Variants in NMBR observed in about 807,000 individuals in gnomAD.
NMBR encodes neuromedin B receptor.
NMBR carries 16 observed loss-of-function variants against 20.5 expected under a neutral mutation model. The observed-to-expected ratio is 0.78, with a 90% CI of 0.53 to 1.19. The LOEUF (loss-of-function observed/expected upper bound fraction) is 1.19, where lower values mean the gene tolerates loss of function less well. NMBR is among the 50% of genes most tolerant of loss of function. The probability of loss-of-function intolerance (pLI) is 0.00; values close to 1 mark genes in which losing one functional copy is unlikely to be tolerated. For synonymous variants in NMBR, 212 were observed against 196.6 expected (o/e 1.08, Z -0.65); for missense variants, 582 against 499.1 (o/e 1.17, Z -1.58).
chr6:142,078,220 TG>T (rs1331918308), intron 3 of NMBR, among the ~76,000 whole-genome samples: 1 of 152,220 alleles, frequency 6.6e-6, no homozygotes, highest in Non-Finnish European at 1.5e-5. Flanking sequence ...ATCAAATTAA[TG>T]TATGCTCATA....
intron 1 of NMBR, among the ~76,000 whole-genome samples, chr6:142,089,585 T>C (rs1004771621): frequency 1.5e-4 from 23 of 152,212 alleles, no homozygotes; most frequent in African/African-American, 5.1e-4. Context: ...AACCACCATT[T>C]GGCTTGTTAT....
At position 142,075,517 on chromosome 6, in the gene NMBR, T is replaced by A. The variant is rs1053148268; in HGVS notation, c.*131A>T. On this transcript the variant is annotated 3_prime_UTR_variant, in exon 4 of 4. Transcript: ENST00000258042. ...AATAAAGTCTAGTGTAGAGAAAAAA[T>A]GTCTTGCATTTTCTGAGTCAATCAT... 2.5e-6 allele frequency: 2 copies of A among 790,376 alleles called. No homozygotes were observed. Among genetic ancestry groups the A allele is most frequent in the African/African-American group, 3.5e-5 (2 of 57,052 alleles). The allele number at this position is 790,376 out of a possible 1,614,324, so 49.0% of individuals were successfully genotyped here. A position where few individuals can be genotyped will look rare whatever the true frequency, so the allele number is the denominator to read the frequency against.
Position 142,088,871 on chromosome 6 carries a change from G to A in NMBR, c.-213C>T, listed in dbSNP as rs1418062763. 4.3e-5 allele frequency: 21 copies of A among 488,668 alleles called. No individual in the cohort carries two copies. The East Asian group carries it at 6.4e-4, about 15-fold the overall frequency. 30.3% of individuals were successfully genotyped at this position (488,668 alleles called of 1,614,324 possible). On this transcript the variant is annotated 5_prime_UTR_variant, in exon 2 of 4. Coordinates refer to ENST00000258042, the MANE Select transcript of NMBR (RefSeq NM_002511.4). Reference sequence around the variant, plus strand: ...TCGGGCGCTCCGCTTCTAGAGGGGGGAAATGGCTCCGGCTAACTCTGAATT... The same window carrying A: ...TCGGGCGCTCCGCTTCTAGAGGGGGAAAATGGCTCCGGCTAACTCTGAATT...
intron 1 of NMBR, among the ~76,000 whole-genome samples, chr6:142,135,759 C>T (rs1329185653): frequency 6.6e-6 from 1 of 151,050 alleles, no homozygotes; most frequent in African/African-American, 2.4e-5. Context: ...GGTTTTTTGT[C>T]CTTGCGATAG....
chr6:142,083,035 T>C (rs1777130084), intron 2 of NMBR, among the ~76,000 whole-genome samples: 2 of 152,200 alleles, frequency 1.3e-5, no homozygotes, highest in Non-Finnish European at 2.9e-5. Context: ...AAGCAACATA[T>C]AAATTATGGC....
intron 3 of NMBR, among the ~76,000 whole-genome samples, chr6:142,076,968 T>G: frequency 6.6e-6 from 1 of 151,266 alleles, no homozygotes. Flanking sequence ...AGCAATAGAG[T>G]GGTAATGGAG....
chr6:142,083,363 C>T (rs1202662259), intron 2 of NMBR, among the ~76,000 whole-genome samples: 2 of 152,202 alleles, frequency 1.3e-5, no homozygotes, highest in Non-Finnish European at 2.9e-5. Context: ...CTATGACTCA[C>T]ATTTTGTGAA....
intron 1 of NMBR, among the ~76,000 whole-genome samples, chr6:142,146,539 A>C (rs1778439900): frequency 6.6e-6 from 1 of 152,156 alleles, no homozygotes; most frequent in African/African-American, 2.4e-5. Context: ...AAAACGTCCC[A>C]AACACCCTAT....
At chr6:142,115,915 C>T (rs1032666411) in intron 1 of NMBR, among the ~76,000 whole-genome samples, 1 of 151,928 alleles carries the variant, frequency 6.6e-6, no homozygotes, top group Non-Finnish European at 1.5e-5. Context: ...AATTGTAATT[C>T]CCACAATTTC....
chr6:142,139,510 C>T (rs1006718319), intron 1 of NMBR, among the ~76,000 whole-genome samples: 3 of 152,178 alleles, frequency 2.0e-5, no homozygotes, highest in East Asian at 3.8e-4. Flanking sequence ...GGAGCTCTCT[C>T]GCTTTTCCAG....
intron 1 of NMBR, among the ~76,000 whole-genome samples, chr6:142,145,137 T>C (rs1778411267): frequency 6.6e-6 from 1 of 152,064 alleles, no homozygotes; most frequent in Non-Finnish European, 1.5e-5. Flanking sequence ...CATTTCACTT[T>C]CTTATTTTTC....
intron 2 of NMBR, among the ~76,000 whole-genome samples, chr6:142,082,217 T>C (rs1009906110): frequency 2.0e-5 from 3 of 152,238 alleles, no homozygotes; most frequent in Non-Finnish European, 4.4e-5. Context: ...CCACAAAAAG[T>C]CTGAGTGTGA....
intron 1 of NMBR, among the ~76,000 whole-genome samples, chr6:142,128,435 AC>A (rs1360810381): frequency 6.6e-6 from 1 of 152,006 alleles, no homozygotes; most frequent in Non-Finnish European, 1.5e-5. Context: ...GGGCATCCTT[AC>A]TTTGTACTGG....
chr6:142,104,160 G>A (rs903219379), intron 1 of NMBR, among the ~76,000 whole-genome samples: 5 of 152,150 alleles, frequency 3.3e-5, no homozygotes, highest in Admixed American at 6.5e-5. Context: ...TTAGAGGCAT[G>A]AGCCACCACA....
intron 1 of NMBR, among the ~76,000 whole-genome samples, chr6:142,097,487 A>T (rs1777477957): frequency 1.3e-5 from 2 of 152,162 alleles, no homozygotes; most frequent in South Asian, 4.1e-4. Context: ...AAGTCAAAAA[A>T]TCATAAGTCA....
At chr6:142,081,736 A>T (rs772310858) in intron 2 of NMBR, among the ~76,000 whole-genome samples, 1 of 152,218 alleles carries the variant, frequency 6.6e-6, no homozygotes. Flanking sequence ...GCTTCCTTCA[A>T]ATATTTATAG....
intron 1 of NMBR, among the ~76,000 whole-genome samples, chr6:142,141,053 T>C (rs1265784373): frequency 1.3e-5 from 2 of 152,212 alleles, no homozygotes; most frequent in Non-Finnish European, 2.9e-5. Flanking sequence ...ATATAGAGGA[T>C]TATAAATTAT....
In NMBR at chr6:142,101,537, C is replaced by T. The variant is rs9496272; in HGVS notation, c.-663-12216G>A. Among the ~76,000 whole-genome samples, 371 of 152,160 alleles carry T rather than the reference C, an allele frequency of 2.4e-3. 2 individuals carry two copies. The highest frequency in any genetic ancestry group is 7.7e-3 in the African/African-American group (321 of 41,524). On this transcript the variant is annotated intron_variant, in intron 1 of 3. Transcript: ENST00000258042. ...TTGTAGGGGTTAGGTTACAGGGTAGCTCTTTATGGTGGAATCTCCTGTTTA... is the reference window on the plus strand; with the variant it reads ...TTGTAGGGGTTAGGTTACAGGGTAGTTCTTTATGGTGGAATCTCCTGTTTA...
At chr6:142,091,228 GTTTA>G (rs1777317267) in intron 1 of NMBR, among the ~76,000 whole-genome samples, 1 of 152,056 alleles carries the variant, frequency 6.6e-6, no homozygotes, top group Admixed American at 6.6e-5. Context: ...AACACTATTT[GTTTA>G]TTTATGTTTT....
Sources: allele counts gnomAD v4.1 joint callset (sites outside exome capture counted in the v4.1 genomes callset), GRCh38; gene constraint gnomAD v4.1.1; transcripts MANE v1.5; gene names NCBI Gene and HGNC (gene_info 2026-07-23, HGNC 2026-07-21).